The following PKHD1 variants were observed in gnomAD, a reference collection of about 807,000 sequenced individuals.
The protein encoded by PKHD1 is fibrocystin.
In PKHD1, 291 loss-of-function variants were observed where a neutral mutation model predicts 412.0. That is an observed-to-expected ratio of 0.71 (90% CI 0.64 to 0.78). PKHD1 has a LOEUF of 0.78. Among genes scored for constraint, PKHD1 ranks in the 30% least tolerant of loss-of-function variants. The pLI, the probability that PKHD1 is intolerant of heterozygous loss-of-function variation, is 0.00. For missense variants in PKHD1, 4,825 were observed against 4,950.7 expected (o/e 0.97, Z 0.76); for synonymous variants, 1,777 against 1,821.5 (o/e 0.98, Z 0.62).
At chr6:51,624,410 A>G (rs1229047969) in intron 66 of PKHD1, among the ~76,000 whole-genome samples, 1 of 152,194 alleles carries the variant, frequency 6.6e-6, no homozygotes, top group Non-Finnish European at 1.5e-5. Flanking sequence ...GACAATTTCT[A>G]GTTCTCAGCT....
rs532517568 is a variant in PKHD1 at position 51,953,655 on chromosome 6, C to T, written c.5908+6215G>A. 5.9e-5 allele frequency among the ~76,000 whole-genome samples: 9 copies of T among 151,764 alleles called. No individual in the cohort carries two copies. The East Asian group carries it at 1.7e-3, about 29-fold the overall frequency. ...TACCTCACTCTGAAATCCTCAAATG[C>T]TTGTCAAGGATGAAGGAATTCTACA... is the stretch of plus-strand genomic sequence containing the variant. On this transcript the variant is annotated intron_variant, in intron 36 of 66. Transcript: ENST00000371117.
At chr6:52,071,185 G>A in intron 8 of PKHD1, 115 bp from the exon 9 acceptor site, 1 of 762,172 alleles carries the variant, frequency 1.3e-6, no homozygotes, top group Non-Finnish European at 2.4e-6. Context: ...AGAGAAAATG[G>A]TAGACAGAGA....
chr6:51,856,938 CTAATGTATA>C (rs1773404355), intron 48 of PKHD1, among the ~76,000 whole-genome samples: 1 of 152,164 alleles, frequency 6.6e-6, no homozygotes, highest in Admixed American at 6.5e-5. Flanking sequence ...GTGACATTTT[CTAATGTATA>C]TAAAGTTCTA....
chr6:51,872,963 T>A (rs1240920073), intron 46 of PKHD1, among the ~76,000 whole-genome samples: 1 of 146,664 alleles, frequency 6.8e-6, no homozygotes, highest in Non-Finnish European at 1.5e-5. Flanking sequence ...GAAGAAGATG[T>A]ACGAATCAGA....
At chr6:51,850,819 G>A (rs1003198754) in intron 49 of PKHD1, among the ~76,000 whole-genome samples, 1 of 152,110 alleles carries the variant, frequency 6.6e-6, no homozygotes, top group Admixed American at 6.5e-5. Flanking sequence ...GGTTTTCTAA[G>A]TATAAAATCA....
chr6:51,701,329 C>T (rs757730260), intron 60 of PKHD1, among the ~76,000 whole-genome samples: 23 of 152,064 alleles, frequency 1.5e-4, no homozygotes, highest in Non-Finnish European at 3.1e-4. Flanking sequence ...TCCAAAGAAT[C>T]TCTTAGGCTG....
chr6:51,977,918 A>G (rs532294135), intron 35 of PKHD1, among the ~76,000 whole-genome samples: 2 of 152,280 alleles, frequency 1.3e-5, no homozygotes, highest in Admixed American at 6.5e-5. Context: ...ATATGACTTA[A>G]AGAGATCTTT....
intron 65 of PKHD1, among the ~76,000 whole-genome samples, chr6:51,630,136 G>A (rs1394609699): frequency 6.6e-6 from 1 of 152,106 alleles, no homozygotes. Flanking sequence ...GAGACTGGTG[G>A]ATTTTCATGT....
intron 29 of PKHD1, 80 bp downstream of exon 29, chr6:52,032,950 A>G: frequency 7.8e-7 from 1 of 1,281,602 alleles, no homozygotes; most frequent in Non-Finnish European, 1.1e-6. Context: ...AATACAATAA[A>G]TTTCAGAGGA....
intron 36 of PKHD1, among the ~76,000 whole-genome samples, chr6:51,947,863 G>A (rs1469967658): frequency 6.6e-6 from 1 of 152,062 alleles, no homozygotes; most frequent in Admixed American, 6.6e-5. Flanking sequence ...CTACTTGGAT[G>A]TCTCATAGTT....
At chr6:51,693,827 C>A (rs1048863101) in intron 60 of PKHD1, among the ~76,000 whole-genome samples, 2 of 152,132 alleles carry the variant, frequency 1.3e-5, no homozygotes, top group Non-Finnish European at 2.9e-5. Context: ...AGCATTAATT[C>A]ATTTAATCTC....
intron 48 of PKHD1, among the ~76,000 whole-genome samples, chr6:51,865,846 G>A (rs1051510146): frequency 1.3e-5 from 2 of 152,178 alleles, no homozygotes; most frequent in Non-Finnish European, 2.9e-5. Context: ...GCTCTGACAT[G>A]TTCCTAATGA....
intron 46 of PKHD1, among the ~76,000 whole-genome samples, chr6:51,873,144 A>T (rs1336198303): frequency 6.6e-6 from 1 of 152,160 alleles, no homozygotes; most frequent in East Asian, 1.9e-4. Context: ...CAGCAATTTT[A>T]CAACTTGGCT....
At chr6:51,715,380 C>T (rs1781138973) in intron 60 of PKHD1, among the ~76,000 whole-genome samples, 2 of 152,238 alleles carry the variant, frequency 1.3e-5, no homozygotes, top group Non-Finnish European at 1.5e-5. Flanking sequence ...TTCCTTCTAA[C>T]ATGCAGAGAA....
chr6:52,063,910 C>T lies in PKHD1; in HGVS notation c.976+1045G>A, dbSNP rs919328306. Reference sequence around the variant, plus strand: ...AACCAGCTGCATTCAGGAAATTATCCTACCACTACCCAAGTAGCTAAAGCA... The same window carrying T: ...AACCAGCTGCATTCAGGAAATTATCTTACCACTACCCAAGTAGCTAAAGCA... On this transcript the variant is annotated intron_variant, in intron 13 of 66. Transcript: ENST00000371117. Among the ~76,000 whole-genome samples the T allele has an allele frequency of 4.6e-5, 7 of 152,242 alleles. No homozygotes were observed. The South Asian group carries it at 1.0e-3, about 23-fold the overall frequency.
Position 51,906,215 on chromosome 6 carries a change from C to T in PKHD1, c.6808G>A (p.Gly2270Arg). Residue 2270 changes from glycine to arginine, a missense_variant and splice_region_variant, in exon 41 of 67, where the codon GGG becomes AGG. Transcript: ENST00000371117. The stretch of plus-strand genomic sequence containing the variant: ...AATTCAACAAGCTTGTTTTACTTAC[C>T]AACTAGCAGCGCATGACCTAAAATA... ...YNILGHALLV[G>R]TCTEMRYISW... 1 of 1,611,198 alleles carries T rather than the reference C, an allele frequency of 6.2e-7. No homozygotes were observed. The highest frequency in any genetic ancestry group is 2.2e-5 in the East Asian group (1 of 44,846).
At chr6:51,651,472 A>C (rs768985128) in intron 61 of PKHD1, among the ~76,000 whole-genome samples, 1 of 152,136 alleles carries the variant, frequency 6.6e-6, no homozygotes, top group Non-Finnish European at 1.5e-5. Context: ...AAGGTCATCA[A>C]ATGAATTTTT....
At chr6:52,086,481 G>A (rs1310260275) in intron 1 of PKHD1, among the ~76,000 whole-genome samples, 1 of 151,858 alleles carries the variant, frequency 6.6e-6, no homozygotes, top group African/African-American at 2.4e-5. Context: ...AAATATAAAA[G>A]CTACAATATA....
intron 46 of PKHD1, among the ~76,000 whole-genome samples, chr6:51,878,488 C>A (rs1369528511): frequency 1.6e-5 from 1 of 64,232 alleles, no homozygotes; most frequent in Non-Finnish European, 2.7e-5. Context: ...TGTAATCCAG[C>A]ATATAAACAT....
Sources: allele counts gnomAD v4.1 joint callset (sites outside exome capture counted in the v4.1 genomes callset), GRCh38; gene constraint gnomAD v4.1.1; transcripts MANE v1.5; gene names NCBI Gene and HGNC (gene_info 2026-07-23, HGNC 2026-07-21).